DSCAML1: variants seen among roughly 807,000 people sequenced by gnomAD.
DSCAML1 encodes DS cell adhesion molecule like 1.
DSCAML1 carries 38 observed loss-of-function variants against 200.5 expected under a neutral mutation model. The ratio of observed to expected loss-of-function variants is 0.19; its 90% CI spans 0.15 to 0.25. The LOEUF (loss-of-function observed/expected upper bound fraction) is 0.25, where lower values mean the gene tolerates loss of function less well. Ranked by LOEUF, DSCAML1 falls within the 10% of genes least tolerant of loss-of-function variation. DSCAML1 has a pLI of 1.00. For synonymous variants in DSCAML1, 1,215 were observed against 1,165.0 expected, an observed-to-expected ratio of 1.04 and a Z score of -0.87; for missense variants, 2,223 against 2,858.8, an observed-to-expected ratio of 0.78 and a Z score of 5.07.
At chr11:117,458,496 G>A (rs968688310) in intron 19 of DSCAML1, among the ~76,000 whole-genome samples, 4 of 152,156 alleles carry the variant, frequency 2.6e-5, no homozygotes, top group African/African-American at 7.2e-5. Flanking sequence ...GGGTTTTTCC[G>A]GCCTCTGACT....
intron 3 of DSCAML1, among the ~76,000 whole-genome samples, chr11:117,630,787 T>C (rs77406737): frequency 0.01 from 1,518 of 151,382 alleles, 28 homozygotes; most frequent in African/African-American, 0.032. Flanking sequence ...AGCATCCCCA[T>C]TGGACCATTT....
At chr11:117,575,124 G>A (rs2050909055) in intron 3 of DSCAML1, among the ~76,000 whole-genome samples, 2 of 152,200 alleles carry the variant, frequency 1.3e-5, no homozygotes, top group Admixed American at 6.5e-5. Flanking sequence ...CCAGGAGGCG[G>A]AGGTTGCAAT....
chr11:117,684,305 C>G (rs779308035), intron 3 of DSCAML1, among the ~76,000 whole-genome samples: 2 of 152,110 alleles, frequency 1.3e-5, no homozygotes, highest in Middle Eastern at 3.4e-3. Flanking sequence ...CCTCACCTCC[C>G]ACCAGTGGCC....
In DSCAML1 at chr11:117,498,065, A is replaced by G. The variant is rs2049326266; in HGVS notation, c.2359+5780T>C. On this transcript the variant is annotated intron_variant, in intron 11 of 32. Coordinates refer to ENST00000651296, the MANE Select transcript of DSCAML1 (RefSeq NM_020693.4). The surrounding 1 kb of genome is among the most constrained non-coding windows in gnomAD (Gnocchi z 4.0). ...AGCCAGTCCAGATTCCAGAGTGGGC[A>G]AAGGCCTGTGCTGAGCTGGGTGCCA... Among the ~76,000 whole-genome samples, 1 of 152,218 alleles carries G rather than the reference A, an allele frequency of 6.6e-6. No individual in the cohort carries two copies. The highest frequency in any genetic ancestry group is 1.5e-5 in the Non-Finnish European group (1 of 68,042).
intron 4 of DSCAML1, among the ~76,000 whole-genome samples, chr11:117,529,835 G>A (rs7130708): frequency 0.28 from 42,388 of 151,676 alleles, 6,236 homozygotes; most frequent in African/African-American, 0.35. Flanking sequence ...GGGCGGGTGA[G>A]CCTGAGACGG....
chr11:117,568,049 G>A (rs1228571739), intron 3 of DSCAML1, among the ~76,000 whole-genome samples: 5 of 152,032 alleles, frequency 3.3e-5, no homozygotes, highest in Non-Finnish European at 7.4e-5. Context: ...TTCATCCCTG[G>A]GATGCAAGGC....
rs150907068 is a variant in DSCAML1 at position 117,649,034 on chromosome 11, CAT to C, written c.512-116514_512-116513del. On this transcript the variant is annotated intron_variant, in intron 3 of 32. Coordinates refer to ENST00000651296, the MANE Select transcript of DSCAML1 (RefSeq NM_020693.4). ...CTCTCCCTCTCGCTCTCTCTCTCTC[CAT>C]ATATATGTGTGTGTGTGTGTGTGTG... 5.3e-3 allele frequency among the ~76,000 whole-genome samples: 654 copies of C among 123,104 alleles called. 5 individuals carry two copies. Among genetic ancestry groups the C allele is most frequent in the African/African-American group, 0.021 (600 of 28,954 alleles). The allele number at this position is 123,104 out of a possible 152,430, so 80.8% of individuals were successfully genotyped here. A position where few individuals can be genotyped will look rare whatever the true frequency, so the allele number is the denominator to read the frequency against.
chr11:117,635,898 T>A (rs181797947), intron 3 of DSCAML1, among the ~76,000 whole-genome samples: 6 of 152,156 alleles, frequency 3.9e-5, no homozygotes, highest in Non-Finnish European at 8.8e-5. Flanking sequence ...GTCTCTGAGG[T>A]CCAGGTCATA....
At chr11:117,785,225 G>A (rs1467307751) in intron 1 of DSCAML1, among the ~76,000 whole-genome samples, 1 of 152,196 alleles carries the variant, frequency 6.6e-6, no homozygotes, top group African/African-American at 2.4e-5. Context: ...AGGAAAGGGG[G>A]TTAAACAATA....
At chr11:117,581,153 G>A (rs1268740088) in intron 3 of DSCAML1, among the ~76,000 whole-genome samples, 3 of 152,124 alleles carry the variant, frequency 2.0e-5, no homozygotes, top group Non-Finnish European at 4.4e-5. Flanking sequence ...AAAAATTGCC[G>A]TGCCTGTGCA....
rs2055592407 is a variant in DSCAML1, at chr11:117,796,996, CGCCGCCTCCGCCGCCCA to C, written c.46+21_46+37del. 3.0e-6 allele frequency: 4 copies of C among 1,351,434 alleles called. No homozygotes were observed. The African/African-American group carries it at 6.0e-5, about 20-fold the overall frequency. 83.7% of individuals were successfully genotyped at this position (1,351,434 alleles called of 1,614,324 possible). A position where few individuals can be genotyped will look rare whatever the true frequency, so the allele number is the denominator to read the frequency against. Reference sequence around the variant, plus strand: ...GCCGCCAGCCGCGCCACCCTGGCCCCGCCGCCTCCGCCGCCCAGCCGCCCGCGCAGGTCTCACCTTTG... The same window carrying C: ...GCCGCCAGCCGCGCCACCCTGGCCCCGCCGCCCGCGCAGGTCTCACCTTTG... On this transcript the variant is annotated intron_variant, in intron 1 of 32. Transcript: ENST00000651296.
At position 117,643,902 on chromosome 11, in the gene DSCAML1, C is replaced by T. The variant is rs956975325; in HGVS notation, c.512-111380G>A. Among the ~76,000 whole-genome samples, 10 of 152,170 alleles carry T rather than the reference C, an allele frequency of 6.6e-5. No individual in the cohort carries two copies. The South Asian group carries it at 1.2e-3, about 19-fold the overall frequency. ...AAGGAGAGTTGAAAAAAGACCATGC[C>T]CCATTCTCAGACAGAAGGTGGCAGG... is the stretch of plus-strand genomic sequence containing the variant. On this transcript the variant is annotated intron_variant, in intron 3 of 32. Coordinates refer to ENST00000651296, the MANE Select transcript of DSCAML1 (RefSeq NM_020693.4).
At chr11:117,428,925 C>CT in intron 32 of DSCAML1, 122 bp from the exon 33 acceptor site, 1 of 847,442 alleles carries the variant, frequency 1.2e-6, no homozygotes, top group Non-Finnish European at 1.8e-6. Context: ...GGCCCCTCCA[C>CT]TGGGGGGCAA....
intron 3 of DSCAML1, among the ~76,000 whole-genome samples, chr11:117,561,814 T>G (rs769537931): frequency 6.6e-6 from 1 of 152,268 alleles, no homozygotes; most frequent in Non-Finnish European, 1.5e-5. Context: ...CTGCCACTTA[T>G]GTATTCATCT....
chr11:117,605,982 AAC>A (rs2051559421), intron 3 of DSCAML1, among the ~76,000 whole-genome samples: 1 of 152,130 alleles, frequency 6.6e-6, no homozygotes, highest in South Asian at 2.1e-4. Flanking sequence ...AAAACACAGC[AAC>A]AGTGTCATTA....
chr11:117,442,280 A>G (rs1363132122), intron 21 of DSCAML1, among the ~76,000 whole-genome samples: 2 of 146,806 alleles, frequency 1.4e-5, no homozygotes, highest in African/African-American at 5.1e-5. Flanking sequence ...TAGTGTGTAT[A>G]GTGTGTATGT....
chr11:117,576,235 T>C (rs2050931343), intron 3 of DSCAML1, among the ~76,000 whole-genome samples: 1 of 152,032 alleles, frequency 6.6e-6, no homozygotes, highest in Non-Finnish European at 1.5e-5. Context: ...GGTGATTGGG[T>C]TTGGGGTCTC....
intron 3 of DSCAML1, among the ~76,000 whole-genome samples, chr11:117,753,785 G>C (rs2054640063): frequency 6.6e-6 from 1 of 152,202 alleles, no homozygotes; most frequent in Admixed American, 6.5e-5. Flanking sequence ...CACGCTGCAT[G>C]TTGCCAGAAC....
chr11:117,481,927 G>T (rs1200611211), intron 12 of DSCAML1, 36 bp downstream of exon 12: 2 of 1,611,630 alleles, frequency 1.2e-6, no homozygotes, highest in Non-Finnish European at 1.7e-6. Flanking sequence ...CTCTCTGAGA[G>T]TTGGGGTCCC....
Sources: allele counts gnomAD v4.1 joint callset (sites outside exome capture counted in the v4.1 genomes callset), GRCh38; gene constraint gnomAD v4.1.1; non-coding constraint Gnocchi (gnomAD v3.1); transcripts MANE v1.5; gene names NCBI Gene and HGNC (gene_info 2026-07-23, HGNC 2026-07-21).